The following AGBL1 variants were observed in gnomAD, a reference collection of about 807,000 sequenced individuals.
AGBL1 encodes the protein AGBL carboxypeptidase 1, also known as cytosolic carboxypeptidase 4.
AGBL1 carries 130 observed loss-of-function variants against 118.9 expected under a neutral mutation model. The observed-to-expected ratio is 1.09, with a 90% CI of 0.95 to 1.26. AGBL1 has a LOEUF of 1.26. Ranked by LOEUF, AGBL1 falls within the 50% of genes most tolerant of loss-of-function variation. AGBL1 has a pLI of 0.00. For synonymous variants in AGBL1, 555 were observed against 478.9 expected (o/e 1.16, Z -2.08); for missense variants, 1,584 against 1,298.1 (o/e 1.22, Z -3.38).
At chr15:86,722,354 AT>A (rs1162690847) in intron 22 of AGBL1, among the ~76,000 whole-genome samples, 1 of 152,226 alleles carries the variant, frequency 6.6e-6, no homozygotes, top group African/African-American at 2.4e-5. Context: ...ATAATGCCGC[AT>A]ATCTACAACC....
At chr15:86,181,237 T>A (rs1357865210) in intron 5 of AGBL1, among the ~76,000 whole-genome samples, 1 of 152,118 alleles carries the variant, frequency 6.6e-6, no homozygotes, top group African/African-American at 2.4e-5. Flanking sequence ...GCTTCATTAT[T>A]TATTTGTAAT....
rs62013834 is a variant in AGBL1 at position 86,266,491 on chromosome 15, C to T, written c.1751+34C>T. The stretch of plus-strand genomic sequence containing the variant: ...TCTCGTGCATCTGAGGAAGGTGGGG[C>T]ATGGAGAATTCTCTTAATGGCATGA... On this transcript the variant is annotated intron_variant, in intron 12 of 22. Transcript: ENST00000614907. The T allele has an allele frequency of 5.2e-3, 7,577 of 1,461,698 alleles. 27 individuals are homozygous for T. Among genetic ancestry groups the T allele is most frequent in the Non-Finnish European group, 6.5e-3 (6,916 of 1,070,004 alleles). The allele number at this position is 1,461,698 out of a possible 1,614,324, so 90.5% of individuals were successfully genotyped here.
chr15:86,625,365 G>GTTTTTTTTTTTTTTTTTTT (rs1176940848), intron 21 of AGBL1, among the ~76,000 whole-genome samples: 2 of 123,074 alleles, frequency 1.6e-5, no homozygotes, highest in Admixed American at 9.4e-5. Flanking sequence ...AGAAATTAGC[G>GTTTTTTTTTTTTTTTTTTT]TTTTTTTTTT....
chr15:86,917,571 T>A (rs2080439180), downstream of AGBL1, among the ~76,000 whole-genome samples: 1 of 152,180 alleles, frequency 6.6e-6, no homozygotes, highest in African/African-American at 2.4e-5. This position sits in a 1 kb window ranked among gnomAD's most constrained non-coding sequence, Gnocchi z 4.8. Context: ...CAAGTAAACA[T>A]ATGCGGATCA....
chr15:86,296,491 G>A (rs1173322617), intron 17 of AGBL1: 2 of 152,142 alleles, frequency 1.3e-5, no homozygotes, highest in African/African-American at 2.4e-5. Flanking sequence ...GGAAGATACA[G>A]CCTTCCCTGA....
chr15:86,171,209 G>A (rs961163107), intron 5 of AGBL1, among the ~76,000 whole-genome samples: 1 of 152,086 alleles, frequency 6.6e-6, no homozygotes, highest in African/African-American at 2.4e-5. Context: ...AGACCAAGGA[G>A]CACTAGAAAT....
intron 22 of AGBL1, among the ~76,000 whole-genome samples, chr15:86,854,263 G>A (rs771026543): frequency 5.3e-5 from 8 of 152,268 alleles, no homozygotes; most frequent in Non-Finnish European, 8.8e-5. Context: ...ACAGGCCAGC[G>A]TAACTCAGAG....
At chr15:86,716,897 A>T (rs980970889) in intron 22 of AGBL1, among the ~76,000 whole-genome samples, 3 of 152,230 alleles carry the variant, frequency 2.0e-5, no homozygotes, top group Non-Finnish European at 2.9e-5. Flanking sequence ...TTGTCCGGCC[A>T]TTTATTACGT....
intron 22 of AGBL1, among the ~76,000 whole-genome samples, chr15:86,751,175 C>G (rs950996282): frequency 6.6e-6 from 1 of 151,964 alleles, no homozygotes; most frequent in Non-Finnish European, 1.5e-5. Flanking sequence ...GTATTTATGT[C>G]TTTAGGTCTT....
At chr15:86,647,713 GAA>G (rs1222542106) in intron 21 of AGBL1, among the ~76,000 whole-genome samples, 2 of 151,984 alleles carry the variant, frequency 1.3e-5, no homozygotes, top group African/African-American at 4.8e-5. Context: ...AATACAAAAA[GAA>G]AATATGTTAA....
Position 86,911,398 on chromosome 15 carries a change from C to A in AGBL1, c.*4104C>A, listed in dbSNP as rs888429788. 1 of 152,138 alleles carries A rather than the reference C, an allele frequency of 6.6e-6. No homozygotes were observed. The highest frequency in any genetic ancestry group is 2.4e-5 in the African/African-American group (1 of 41,342). The allele number at this position is 152,138 out of a possible 1,614,324, so 9.4% of individuals were successfully genotyped here. A position where few individuals can be genotyped will look rare whatever the true frequency, so the allele number is the denominator to read the frequency against. On this transcript the variant is annotated 3_prime_UTR_variant, in exon 23 of 23. Coordinates refer to ENST00000614907, the MANE Select transcript of AGBL1 (RefSeq NM_001386094.1). ...CACGAGCCCTCAAGGGTGGAAACTA[C>A]TGACCCCTTCGTAACACTTCCCTCT...
chr15:86,154,633 G>GGTCT (rs1344874093), intron 4 of AGBL1, 72 bp downstream of exon 4: 1 of 1,501,982 alleles, frequency 6.7e-7, no homozygotes, highest in Non-Finnish European at 8.9e-7. Context: ...ACTGCATGAG[G>GGTCT]GTCTGGTTGG....
chr15:86,127,037 A>G (rs761028201), intron 1 of AGBL1, among the ~76,000 whole-genome samples: 1 of 152,192 alleles, frequency 6.6e-6, no homozygotes, highest in African/African-American at 2.4e-5. Context: ...AGGCTACACT[A>G]TACAGACAGG....
At chr15:86,359,387 C>CTTTTTTTTTTTTTTTTTTTT (rs56189861) in intron 17 of AGBL1, among the ~76,000 whole-genome samples, 1 of 93,808 alleles carries the variant, frequency 1.1e-5, no homozygotes, top group Non-Finnish European at 2.1e-5. Context: ...TATTGGTTTT[C>CTTTTTTTTTTTTTTTTTTTT]TTTTTTTTTT....
Position 86,526,058 on chromosome 15 carries a change from C to T in AGBL1, c.2685+3119C>T, listed in dbSNP as rs763060422. On this transcript the variant is annotated intron_variant, in intron 19 of 22. Transcript: ENST00000614907. The stretch of plus-strand genomic sequence containing the variant: ...ATGTTATTAAAATGTGGTTAAATGA[C>T]GTGAACAGATATTTCTCAAAAGAAG... 3.3e-5 allele frequency among the ~76,000 whole-genome samples: 5 copies of T among 152,022 alleles called. No individual in the cohort carries two copies. The South Asian group carries it at 8.3e-4, about 25-fold the overall frequency.
intron 21 of AGBL1, among the ~76,000 whole-genome samples, chr15:86,645,503 AGGCTCAGTGGAGTTT>A (rs1389017436): frequency 6.6e-6 from 1 of 152,230 alleles, no homozygotes; most frequent in Non-Finnish European, 1.5e-5. Flanking sequence ...GTAGAAACTG[AGGCTCAGTGGAGTTT>A]GGCACATTGC....
At chr15:86,182,572 C>T (rs1252755885) in intron 5 of AGBL1, among the ~76,000 whole-genome samples, 5 of 152,070 alleles carry the variant, frequency 3.3e-5, no homozygotes, top group Non-Finnish European at 7.4e-5. Context: ...AAATTAATTT[C>T]CTTTTTCTAA....
At chr15:86,092,456 T>G (rs1282094697) in intron 1 of AGBL1, among the ~76,000 whole-genome samples, 3 of 152,150 alleles carry the variant, frequency 2.0e-5, no homozygotes, top group East Asian at 1.9e-4. Context: ...GAACTTTAGA[T>G]AATTAAAAAA....
At chr15:86,724,184 T>C (rs7172815) in intron 22 of AGBL1, among the ~76,000 whole-genome samples, 124,331 of 148,312 alleles carry the variant, frequency 0.84, 52,220 homozygotes, top group East Asian at 0.93. Context: ...TGCAGTGAGC[T>C]GCGATAGCGC....
Sources: gnomAD v4.1 joint callset for allele counts (sites outside exome capture counted in the v4.1 genomes callset) on GRCh38, gnomAD v4.1.1 for gene constraint, Gnocchi (gnomAD v3.1) non-coding constraint, MANE v1.5 for transcripts, NCBI Gene and HGNC (gene_info 2026-07-23, HGNC 2026-07-21) for gene names.